The following CDH4 variants were observed in gnomAD, a reference collection of about 807,000 sequenced individuals.
The protein encoded by CDH4 is cadherin 4.
Under a neutral mutation model 86.0 loss-of-function variants are expected in CDH4, and 33 were observed. The ratio of observed to expected loss-of-function variants is 0.38; its 90% CI spans 0.29 to 0.51. The LOEUF (loss-of-function observed/expected upper bound fraction) is 0.51, where lower values mean the gene tolerates loss of function less well. Ranked by LOEUF, CDH4 falls within the 20% of genes least tolerant of loss-of-function variation. The pLI, the probability that CDH4 is intolerant of heterozygous loss-of-function variation, is 0.86. For missense variants in CDH4, 1,114 were observed against 1,307.4 expected (o/e 0.85, Z 2.28); for synonymous variants, 555 against 549.4 (o/e 1.01, Z -0.14).
intron 2 of CDH4, among the ~76,000 whole-genome samples, chr20:61,685,521 A>G (rs1348427209): frequency 6.6e-6 from 1 of 152,080 alleles, no homozygotes; most frequent in Non-Finnish European, 1.5e-5. Context: ...TCCCCTCTGG[A>G]TTGCAAAGGC....
intron 2 of CDH4, among the ~76,000 whole-genome samples, chr20:61,641,049 C>G (rs900807567): frequency 1.3e-5 from 2 of 152,028 alleles, no homozygotes; most frequent in African/African-American, 4.8e-5. Context: ...CAGGTGGGTC[C>G]CTGGGACGTG....
chr20:61,483,333 T>A (rs1600705886), intron 2 of CDH4, among the ~76,000 whole-genome samples: 1 of 152,174 alleles, frequency 6.6e-6, no homozygotes, highest in African/African-American at 2.4e-5. Flanking sequence ...GTTTGTGGCT[T>A]TTCTACCAAA....
intron 2 of CDH4, among the ~76,000 whole-genome samples, chr20:61,459,563 C>T (rs2085430370): frequency 6.7e-6 from 1 of 149,998 alleles, no homozygotes; most frequent in African/African-American, 2.4e-5. Context: ...GGATGGGGGA[C>T]GCTCACAACC....
chr20:61,275,657 T>C (rs2084227271), intron 2 of CDH4, among the ~76,000 whole-genome samples: 1 of 73,600 alleles, frequency 1.4e-5, no homozygotes, highest in Non-Finnish European at 2.6e-5. Context: ...GAGAGTACCA[T>C]GCGCAGTTTG....
chr20:61,936,424 C>CCG (rs1364237356), intron 15 of CDH4, among the ~76,000 whole-genome samples: 1 of 58,398 alleles, frequency 1.7e-5, no homozygotes, highest in Non-Finnish European at 3.4e-5. Context: ...CCACACCCCC[C>CCG]CCCCCATCTG....
At chr20:61,591,708 T>C (rs1291390093) in intron 2 of CDH4, among the ~76,000 whole-genome samples, 1 of 152,250 alleles carries the variant, frequency 6.6e-6, no homozygotes, top group Non-Finnish European at 1.5e-5. Flanking sequence ...CCTATTGGTT[T>C]CTGTTGTTCT....
intron 8 of CDH4, among the ~76,000 whole-genome samples, chr20:61,899,217 C>T (rs111884896): frequency 0.033 from 5,030 of 151,688 alleles, 274 homozygotes; most frequent in African/African-American, 0.11. Flanking sequence ...AGGCAGAGAA[C>T]TGCTTGAACC....
chr20:61,905,095 C>T (rs557183139), intron 8 of CDH4, among the ~76,000 whole-genome samples: 3 of 152,342 alleles, frequency 2.0e-5, no homozygotes, highest in East Asian at 1.9e-4. Context: ...ATTACAGTCT[C>T]GGCAACAAAT....
At chr20:61,726,272 C>T (rs982529326) in intron 2 of CDH4, among the ~76,000 whole-genome samples, 8 of 152,244 alleles carry the variant, frequency 5.3e-5, no homozygotes, top group Middle Eastern at 3.4e-3. Context: ...CCAGCACAGG[C>T]CAGGTGCCTC....
chr20:61,685,876 G>T (rs367925191), intron 2 of CDH4, among the ~76,000 whole-genome samples: 48 of 152,358 alleles, frequency 3.2e-4, no homozygotes, highest in African/African-American at 1.1e-3. Context: ...CGGGCTGTGG[G>T]ATCCCCACTG....
intron 2 of CDH4, among the ~76,000 whole-genome samples, chr20:61,257,215 G>A (rs538568851): frequency 2.0e-5 from 3 of 152,308 alleles, no homozygotes; most frequent in South Asian, 2.1e-4. Flanking sequence ...CGACTGCTCC[G>A]TGGCTCCTTC....
chr20:61,296,377 T>G (rs1188229486), intron 2 of CDH4, among the ~76,000 whole-genome samples: 1 of 151,824 alleles, frequency 6.6e-6, no homozygotes, highest in African/African-American at 2.4e-5. Context: ...CTGACTCTTT[T>G]CTCAGCACTG....
Position 61,254,369 on chromosome 20 carries a change from A to T in CDH4, c.58-457A>T, listed in dbSNP as rs577480622. 4.6e-5 allele frequency among the ~76,000 whole-genome samples: 7 copies of T among 152,316 alleles called. No individual in the cohort carries two copies. The East Asian group carries it at 7.7e-4, about 17-fold the overall frequency. ...CCTCCCGGTGACCTGGAGAGGAGACAAGAAGCTGCCTCCTCCGCCTTACCA... is the reference window on the plus strand; with the variant it reads ...CCTCCCGGTGACCTGGAGAGGAGACTAGAAGCTGCCTCCTCCGCCTTACCA... On this transcript the variant is annotated intron_variant, in intron 1 of 15. Transcript: ENST00000614565.
chr20:61,756,900 G>T (rs1156268934), intron 3 of CDH4, among the ~76,000 whole-genome samples: 1 of 152,160 alleles, frequency 6.6e-6, no homozygotes, highest in South Asian at 2.1e-4. Context: ...CCGAGGTGGG[G>T]GTCCAAGTTT....
At chr20:61,340,546 G>A (rs1275365390) in intron 2 of CDH4, among the ~76,000 whole-genome samples, 1 of 152,052 alleles carries the variant, frequency 6.6e-6, no homozygotes, top group Admixed American at 6.5e-5. Flanking sequence ...AGGACTTAGA[G>A]TGGGCCATAA....
intron 2 of CDH4, among the ~76,000 whole-genome samples, chr20:61,423,262 C>T (rs1006855125): frequency 6.6e-6 from 1 of 152,158 alleles, no homozygotes; most frequent in African/African-American, 2.4e-5. Flanking sequence ...GAGCTGTGGG[C>T]GGTACTGGTG....
intron 2 of CDH4, among the ~76,000 whole-genome samples, chr20:61,702,205 C>G (rs1443249782): frequency 1.3e-5 from 2 of 152,192 alleles, no homozygotes; most frequent in Non-Finnish European, 2.9e-5. Context: ...CTCCATAAAG[C>G]CCAGCTGGCC....
At chr20:61,273,356 G>A (rs575003888) in intron 2 of CDH4, among the ~76,000 whole-genome samples, 3 of 137,310 alleles carry the variant, frequency 2.2e-5, no homozygotes, top group South Asian at 5.0e-4. Flanking sequence ...GCAGTTTGGG[G>A]GAGTACCGTG....
chr20:61,841,855 C>T (rs1014900286), intron 4 of CDH4, among the ~76,000 whole-genome samples: 2 of 152,194 alleles, frequency 1.3e-5, no homozygotes, highest in Non-Finnish European at 2.9e-5. Context: ...CACTGACCCC[C>T]ATGGCGCCTT....
Sources: allele counts gnomAD v4.1 joint callset (sites outside exome capture counted in the v4.1 genomes callset), GRCh38; gene constraint gnomAD v4.1.1; transcripts MANE v1.5; gene names NCBI Gene and HGNC (gene_info 2026-07-23, HGNC 2026-07-21).